Variants in FHIT observed in about 807,000 individuals in gnomAD.
The protein encoded by FHIT is bis(5'-adenosyl)-triphosphatase.
Under a neutral mutation model 17.9 loss-of-function variants are expected in FHIT, and 19 were observed. The observed-to-expected ratio is 1.06, with a 90% CI of 0.74 to 1.56. FHIT has a LOEUF of 1.56. FHIT is among the 40% of genes most tolerant of loss of function. The pLI is 0.00. For synonymous variants in FHIT, 81 were observed against 69.7 expected (o/e 1.16, Z -0.81); for missense variants, 248 against 189.2 (o/e 1.31, Z -1.82).
At position 60,513,411 on chromosome 3, in the gene FHIT, G is replaced by T. The variant is rs1178169380; in HGVS notation, c.103+23449C>A. Among the ~76,000 whole-genome samples the T allele has an allele frequency of 5.3e-5, 8 of 152,110 alleles. No homozygotes were observed. In the East Asian group the frequency reaches 1.5e-3, roughly 29 times the overall value. Reference sequence around the variant, plus strand: ...AATAAATGTGTTGTACTCTGTTTTTGTAAGTCAGCTCAAAACTTTATTGGC... The same window carrying T: ...AATAAATGTGTTGTACTCTGTTTTTTTAAGTCAGCTCAAAACTTTATTGGC... On this transcript the variant is annotated intron_variant, in intron 5 of 9. Transcript: ENST00000492590.
intron 5 of FHIT, among the ~76,000 whole-genome samples, chr3:60,226,276 C>T (rs1385622555): frequency 3.3e-5 from 5 of 151,968 alleles, no homozygotes; most frequent in Non-Finnish European, 7.4e-5. Context: ...AGTTCAAGAC[C>T]AGCCTGACCA....
intron 3 of FHIT, among the ~76,000 whole-genome samples, chr3:60,965,022 G>A (rs1182601608): frequency 3.9e-5 from 6 of 152,200 alleles, no homozygotes; most frequent in Non-Finnish European, 8.8e-5. Flanking sequence ...ATCCTGCAGA[G>A]TGTTTTCCAA....
Position 61,087,255 on chromosome 3 carries a change from A to G in FHIT, c.-163-45156T>C, listed in dbSNP as rs144480624. 2.2e-4 allele frequency among the ~76,000 whole-genome samples: 34 copies of G among 152,294 alleles called. No homozygotes were observed. In the South Asian group the frequency reaches 4.6e-3, roughly 20 times the overall value. Reference sequence around the variant, plus strand: ...GAGTTTGAACTTTCCAAAAGCCACAATGTTATCTCTATCCCACTTCCACAT... The same window carrying G: ...GAGTTTGAACTTTCCAAAAGCCACAGTGTTATCTCTATCCCACTTCCACAT... On this transcript the variant is annotated intron_variant, in intron 2 of 9. Coordinates refer to ENST00000492590, the MANE Select transcript of FHIT (RefSeq NM_002012.4).
intron 3 of FHIT, among the ~76,000 whole-genome samples, chr3:60,828,634 G>A (rs768922945): frequency 2.6e-5 from 4 of 151,886 alleles, no homozygotes; most frequent in East Asian, 3.9e-4. Context: ...ATCCCAGCAC[G>A]TTGGGAGGTG....
chr3:60,060,565 C>T (rs1349525387), intron 5 of FHIT, among the ~76,000 whole-genome samples: 1 of 152,108 alleles, frequency 6.6e-6, no homozygotes. Flanking sequence ...GCAGTTTCTC[C>T]TAAAAGTATA....
intron 3 of FHIT, among the ~76,000 whole-genome samples, chr3:61,029,336 C>T (rs929907758): frequency 6.6e-6 from 1 of 152,140 alleles, no homozygotes; most frequent in Non-Finnish European, 1.5e-5. Flanking sequence ...CAATCTAACG[C>T]GTATGAACAA....
intron 5 of FHIT, among the ~76,000 whole-genome samples, chr3:60,216,708 T>A (rs955043602): frequency 1.3e-5 from 2 of 152,160 alleles, no homozygotes; most frequent in African/African-American, 4.8e-5. Flanking sequence ...CAGGGTTCCA[T>A]AACAGAGCAT....
intron 5 of FHIT, among the ~76,000 whole-genome samples, chr3:60,134,297 A>T (rs954086506): frequency 1.3e-5 from 2 of 152,210 alleles, no homozygotes; most frequent in African/African-American, 4.8e-5. Context: ...TCTGTAACAT[A>T]CTTAGTCACT....
intron 5 of FHIT, among the ~76,000 whole-genome samples, chr3:60,433,007 T>C (rs1393432834): frequency 6.6e-6 from 1 of 152,014 alleles, no homozygotes; most frequent in Non-Finnish European, 1.5e-5. Context: ...GTACACACAT[T>C]ACACAGATCA....
At chr3:60,734,216 T>A (rs2042089516) in intron 4 of FHIT, among the ~76,000 whole-genome samples, 1 of 152,164 alleles carries the variant, frequency 6.6e-6, no homozygotes, top group Non-Finnish European at 1.5e-5. Context: ...CTGAATGCAG[T>A]CTTAGAAACC....
At chr3:61,201,571 T>C (rs1032433126) in intron 1 of FHIT, among the ~76,000 whole-genome samples, 2 of 152,122 alleles carry the variant, frequency 1.3e-5, no homozygotes, top group Admixed American at 1.3e-4. Flanking sequence ...GGGATTGTTT[T>C]AGCTTTTACT....
At chr3:59,805,546 G>A (rs1700163342) in intron 8 of FHIT, among the ~76,000 whole-genome samples, 1 of 152,132 alleles carries the variant, frequency 6.6e-6, no homozygotes, top group South Asian at 2.1e-4. Flanking sequence ...ACAAAACTCT[G>A]TGCTAAGTGT....
intron 3 of FHIT, among the ~76,000 whole-genome samples, chr3:60,896,817 G>A (rs781956710): frequency 1.1e-4 from 16 of 151,746 alleles, no homozygotes; most frequent in East Asian, 1.9e-4. Flanking sequence ...ATGTTATTTC[G>A]GAATATACAA....
intron 2 of FHIT, among the ~76,000 whole-genome samples, chr3:61,070,864 G>C (rs2034782492): frequency 6.6e-6 from 1 of 152,166 alleles, no homozygotes; most frequent in South Asian, 2.1e-4. Flanking sequence ...CTGCAAGAGA[G>C]TGAATTATTG....
At chr3:60,181,922 C>G (rs1157283155) in intron 5 of FHIT, among the ~76,000 whole-genome samples, 3 of 152,138 alleles carry the variant, frequency 2.0e-5, no homozygotes, top group Admixed American at 6.5e-5. Flanking sequence ...TAGCAATCAC[C>G]TTATGCATGA....
intron 4 of FHIT, among the ~76,000 whole-genome samples, chr3:60,679,768 TC>T (rs2107859575): frequency 6.6e-6 from 1 of 152,214 alleles, no homozygotes; most frequent in African/African-American, 2.4e-5. Context: ...AGGGAGAATA[TC>T]CCCATGCCCA....
At chr3:60,954,350 G>A (rs184874673) in intron 3 of FHIT, among the ~76,000 whole-genome samples, 3 of 152,256 alleles carry the variant, frequency 2.0e-5, no homozygotes, top group Non-Finnish European at 2.9e-5. Context: ...AGCTTTTTAC[G>A]ACCATTTCCT....
At chr3:60,637,335 T>A (rs189295438) in intron 4 of FHIT, among the ~76,000 whole-genome samples, 5 of 152,280 alleles carry the variant, frequency 3.3e-5, no homozygotes, top group Admixed American at 3.3e-4. Context: ...ATTTGCCAGT[T>A]TGTCTTTCAT....
chr3:60,561,426 A>G (rs1373882736), intron 4 of FHIT, among the ~76,000 whole-genome samples: 2 of 152,134 alleles, frequency 1.3e-5, no homozygotes, highest in Non-Finnish European at 2.9e-5. Flanking sequence ...CGCTATTGAT[A>G]GAATAAGAGC....
Sources: gnomAD v4.1 joint callset for allele counts (sites outside exome capture counted in the v4.1 genomes callset) on GRCh38, gnomAD v4.1.1 for gene constraint, MANE v1.5 for transcripts, NCBI Gene and HGNC (gene_info 2026-07-23, HGNC 2026-07-21) for gene names.